Variants in MVB12B observed in about 807,000 individuals in gnomAD.
MVB12B encodes multivesicular body subunit 12B, also known as ESCRT-I complex subunit MVB12B.
Under a neutral mutation model 41.6 loss-of-function variants are expected in MVB12B, and 16 were observed. The observed-to-expected ratio is 0.38, with a 90% CI of 0.26 to 0.58. The LOEUF (loss-of-function observed/expected upper bound fraction) is 0.58. MVB12B is among the 20% of genes least tolerant of loss of function. The pLI is 0.62. For synonymous variants in MVB12B, 133 were observed against 139.7 expected (o/e 0.95, Z 0.34); for missense variants, 274 against 380.2 (o/e 0.72, Z 2.32).
intron 7 of MVB12B, among the ~76,000 whole-genome samples, chr9:126,447,856 G>T (rs1223418037): frequency 3.3e-5 from 5 of 152,168 alleles, no homozygotes; most frequent in Non-Finnish European, 7.3e-5. Flanking sequence ...TGTTATTGAG[G>T]CCATGAAGGT....
rs1445929415 is a variant in MVB12B at position 126,386,648 on chromosome 9, G to A, written c.399G>A (p.Thr133=). Residue 133 remains threonine, a synonymous_variant, in exon 4 of 10, where the codon ACG becomes ACA. Coordinates refer to ENST00000361171, the MANE Select transcript of MVB12B (RefSeq NM_033446.3). This position sits in a 1 kb window ranked among gnomAD's most constrained non-coding sequence, Gnocchi z 4.3. The part of the protein sequence containing the change: ...LPVGFIPIQE[T]VDTQEVAFRK... ...TGGGCTTCATCCCAATTCAGGAGAC[G>A]GTGGACACACGTGAGTCATCCTTTA... The A allele has an allele frequency of 1.1e-5, 18 of 1,612,236 alleles. No individual in the cohort carries two copies. Among genetic ancestry groups the A allele is most frequent in the South Asian group, 2.2e-5 (2 of 91,050 alleles).
intron 7 of MVB12B, among the ~76,000 whole-genome samples, chr9:126,476,182 C>T (rs574757806): frequency 2.1e-5 from 3 of 142,182 alleles, no homozygotes; most frequent in African/African-American, 5.0e-5. Flanking sequence ...TGCGGCATCC[C>T]GCAATGGTCT....
intron 6 of MVB12B, among the ~76,000 whole-genome samples, chr9:126,415,210 A>G (rs1046317298): frequency 6.6e-6 from 1 of 152,014 alleles, no homozygotes; most frequent in Non-Finnish European, 1.5e-5. Context: ...CTCTCCTTAG[A>G]CAATCCAACC....
At chr9:126,378,840 C>T (rs1471527560) in intron 2 of MVB12B, among the ~76,000 whole-genome samples, 1 of 152,144 alleles carries the variant, frequency 6.6e-6, no homozygotes, top group African/African-American at 2.4e-5. Flanking sequence ...CAGAGGGGCT[C>T]ACGTTGCCGG....
rs747316940 is a variant in MVB12B, at chr9:126,392,174, C to T, written c.518C>T (p.Pro173Leu). 5.0e-6 allele frequency: 8 copies of T among 1,614,192 alleles called. No homozygotes were observed. Among genetic ancestry groups the T allele is most frequent in the African/African-American group, 1.3e-5 (1 of 75,064 alleles). ...ATCATGGGCCGGACCAAGCAGGCCC[C>T]GCCTCAGTACACGTTTATTGGGTGA... ...IRIMGRTKQA[P>L]PQYTFIGELN... Residue 173 changes from proline to leucine, a missense_variant, in exon 5 of 10, where the codon CCG becomes CTG. Transcript: ENST00000361171. The surrounding 1 kb of genome is among the most constrained non-coding windows in gnomAD (Gnocchi z 4.8).
At chr9:126,409,340 T>C (rs991774330) in intron 6 of MVB12B, among the ~76,000 whole-genome samples, 2 of 146,284 alleles carry the variant, frequency 1.4e-5, no homozygotes, top group Admixed American at 6.9e-5. Flanking sequence ...TGTGTGTGTG[T>C]GTGTGTCCCT....
At chr9:126,450,037 G>A (rs1832860681) in intron 7 of MVB12B, among the ~76,000 whole-genome samples, 1 of 152,230 alleles carries the variant, frequency 6.6e-6, no homozygotes, top group African/African-American at 2.4e-5. Context: ...CCTAGGCTGA[G>A]CACTCCATGA....
At chr9:126,455,893 T>C (rs1397861926) in intron 7 of MVB12B, among the ~76,000 whole-genome samples, 49 of 145,402 alleles carry the variant, frequency 3.4e-4, no homozygotes, top group Admixed American at 1.2e-3. Context: ...CTTTCTTTTT[T>C]TTTTTTTTTT....
At chr9:126,343,970 G>A (rs1829519791) in intron 2 of MVB12B, among the ~76,000 whole-genome samples, 1 of 150,708 alleles carries the variant, frequency 6.6e-6, no homozygotes, top group Admixed American at 6.6e-5. Context: ...GACTGAAGCT[G>A]CAACACTATA....
At chr9:126,398,243 G>A (rs1037497066) in intron 6 of MVB12B, among the ~76,000 whole-genome samples, 16 of 151,786 alleles carry the variant, frequency 1.1e-4, no homozygotes, top group African/African-American at 3.9e-4. Flanking sequence ...GTGGTGGTGA[G>A]GGCATGTGGT....
rs936415859 is a variant in MVB12B at position 126,408,744 on chromosome 9, G to A, written c.662+13047G>A. 7.9e-5 allele frequency among the ~76,000 whole-genome samples: 12 copies of A among 152,116 alleles called. No individual in the cohort carries two copies. In the East Asian group the frequency reaches 9.6e-4, roughly 12 times the overall value. On this transcript the variant is annotated intron_variant, in intron 6 of 9. Transcript: ENST00000361171. ...CTTCGGGGAGATTATGTGGCAAAATGTGTTGTTTTTGGTCACGTAGAATCA... is the reference window on the plus strand; with the variant it reads ...CTTCGGGGAGATTATGTGGCAAAATATGTTGTTTTTGGTCACGTAGAATCA...
chr9:126,335,190 CCTGA>C (rs1440842652), intron 1 of MVB12B: 6 of 1,113,056 alleles, frequency 5.4e-6, no homozygotes, highest in African/African-American at 1.6e-5. Context: ...CTTGTTGCCA[CCTGA>C]CTATGTCCAG....
rs1316627652 is a variant in MVB12B, at chr9:126,376,483, G to C, written c.205-4581G>C. ...GCTCATGGGCTGGAGCCCTGTGGGT[G>C]GGGGGCCTGCTGGCTGGTGTGCTAC... On this transcript the variant is annotated intron_variant, in intron 2 of 9. Coordinates refer to ENST00000361171, the MANE Select transcript of MVB12B (RefSeq NM_033446.3). The surrounding 1 kb of genome is among the most constrained non-coding windows in gnomAD (Gnocchi z 4.1). 2.3e-6 allele frequency: 3 copies of C among 1,285,328 alleles called. No individual in the cohort carries two copies. Among genetic ancestry groups the C allele is most frequent in the African/African-American group, 1.5e-5 (1 of 65,754 alleles). 79.6% of individuals were successfully genotyped at this position (1,285,328 alleles called of 1,614,324 possible). A position where few individuals can be genotyped will look rare whatever the true frequency, so the allele number is the denominator to read the frequency against.
chr9:126,343,743 C>T (rs1021205177), intron 2 of MVB12B, among the ~76,000 whole-genome samples: 9 of 152,134 alleles, frequency 5.9e-5, no homozygotes, highest in Admixed American at 4.6e-4. Flanking sequence ...TGGTGAAACC[C>T]CATCTCTACT....
intron 8 of MVB12B, among the ~76,000 whole-genome samples, chr9:126,482,542 C>G (rs1416941516): frequency 6.6e-6 from 1 of 152,064 alleles, no homozygotes; most frequent in Non-Finnish European, 1.5e-5. Flanking sequence ...CCTCTGCCGC[C>G]GTTCCCTGGG....
In MVB12B at chr9:126,367,888, C is replaced by A. The variant is rs538245086; in HGVS notation, c.205-13176C>A. ...ACTCCTGATTCAGCTCACCTGGGAGCCATCCTCGGAGGGAGGGGAGGGAGT... is the reference window on the plus strand; with the variant it reads ...ACTCCTGATTCAGCTCACCTGGGAGACATCCTCGGAGGGAGGGGAGGGAGT... On this transcript the variant is annotated intron_variant, in intron 2 of 9. Coordinates refer to ENST00000361171, the MANE Select transcript of MVB12B (RefSeq NM_033446.3). The surrounding 1 kb of genome is among the most constrained non-coding windows in gnomAD (Gnocchi z 4.3). Among the ~76,000 whole-genome samples the A allele has an allele frequency of 1.5e-3, 221 of 152,290 alleles. 1 individual carries two copies. The highest frequency in any genetic ancestry group is 1.6e-3 in the Non-Finnish European group (106 of 68,018).
rs1385845334 is a variant in MVB12B at position 126,413,935 on chromosome 9, T to A, written c.663-7919T>A. Among the ~76,000 whole-genome samples the A allele has an allele frequency of 1.1e-4, 16 of 151,886 alleles. 1 individual carries two copies. Among genetic ancestry groups the A allele is most frequent in the Non-Finnish European group, 4.4e-5 (3 of 67,994 alleles). On this transcript the variant is annotated intron_variant, in intron 6 of 9. Transcript: ENST00000361171. ...TTGCTAGTCACCACTCTCTCGACGCTGCCCTTTGACAGTCTGGGAGGACAG... is the reference window on the plus strand; with the variant it reads ...TTGCTAGTCACCACTCTCTCGACGCAGCCCTTTGACAGTCTGGGAGGACAG...
intron 2 of MVB12B, among the ~76,000 whole-genome samples, chr9:126,361,517 CTTCA>C (rs1830029410): frequency 6.6e-6 from 1 of 152,010 alleles, no homozygotes; most frequent in South Asian, 2.1e-4. Context: ...TTCTAGTGCT[CTTCA>C]TTGTTTTGTG....
chr9:126,368,797 T>C lies in MVB12B; in HGVS notation c.205-12267T>C, dbSNP rs1830254751. Reference sequence around the variant, plus strand: ...ATAACAGCCAAGGCTTAAGTACCTTTCAACCACACCAGTTTGCTCATTTTT... The same window carrying C: ...ATAACAGCCAAGGCTTAAGTACCTTCCAACCACACCAGTTTGCTCATTTTT... On this transcript the variant is annotated intron_variant, in intron 2 of 9. Transcript: ENST00000361171. Among the ~76,000 whole-genome samples, 4 of 152,366 alleles carry C rather than the reference T, an allele frequency of 2.6e-5. No homozygotes were observed. The South Asian group carries it at 8.3e-4, about 32-fold the overall frequency.
Sources: gnomAD v4.1 joint callset for allele counts (sites outside exome capture counted in the v4.1 genomes callset) on GRCh38, gnomAD v4.1.1 for gene constraint, Gnocchi (gnomAD v3.1) non-coding constraint, MANE v1.5 for transcripts, NCBI Gene and HGNC (gene_info 2026-07-23, HGNC 2026-07-21) for gene names.